The following LRRK2 variants were observed in gnomAD, a reference collection of about 807,000 sequenced individuals.
LRRK2 encodes leucine-rich repeat serine/threonine-protein kinase 2.
LRRK2 carries 203 observed loss-of-function variants against 302.6 expected under a neutral mutation model. The ratio of observed to expected loss-of-function variants is 0.67; its 90% CI spans 0.60 to 0.75. The LOEUF is 0.75. Ranked by LOEUF, LRRK2 falls within the 30% of genes least tolerant of loss-of-function variation. The pLI is 0.00. For synonymous variants in LRRK2, 1,066 were observed against 1,031.9 expected (o/e 1.03, Z -0.63); for missense variants, 2,830 against 2,951.0 (o/e 0.96, Z 0.95).
chr12:40,241,865 G>A (rs1215001268), intron 6 of LRRK2, among the ~76,000 whole-genome samples: 1 of 152,142 alleles, frequency 6.6e-6, no homozygotes, highest in African/African-American at 2.4e-5. Context: ...TTATCCACAG[G>A]AAATTAAACA....
At chr12:40,329,528 A>G (rs1945649806) in intron 39 of LRRK2, among the ~76,000 whole-genome samples, 1 of 152,174 alleles carries the variant, frequency 6.6e-6, no homozygotes, top group Non-Finnish European at 1.5e-5. Context: ...AAACCAATAA[A>G]TGCCATTTAT....
In LRRK2 at chr12:40,309,120, T is replaced by C. The variant is rs762266941; in HGVS notation, c.4204T>C (p.Tyr1402His). 4 of 1,613,758 alleles carry C rather than the reference T, an allele frequency of 2.5e-6. No individual in the cohort carries two copies. The South Asian group carries it at 4.4e-5, about 18-fold the overall frequency. ...TCTTTATTTAGGTCGTGAGGAATTCTATAGTACTCATCCCCATTTTATGAC... is the reference window on the plus strand; with the variant it reads ...TCTTTATTTAGGTCGTGAGGAATTCCATAGTACTCATCCCCATTTTATGAC... The part of the protein sequence containing the change: ...VWDFAGREEF[Y>H]STHPHFMTQR... The change falls in exon 30 of 51, where the codon TAT (tyrosine) becomes CAT (histidine). Residue 1402 changes from tyrosine to histidine, a missense_variant. This residue lies in a region of LRRK2 where 2,121 missense variants were observed against 2,148.0 expected (regional missense o/e 0.99). Coordinates refer to ENST00000298910, the MANE Select transcript of LRRK2 (RefSeq NM_198578.4).
At chr12:40,297,940 A>G (rs1360616733) in intron 23 of LRRK2, among the ~76,000 whole-genome samples, 2 of 152,060 alleles carry the variant, frequency 1.3e-5, no homozygotes, top group Non-Finnish European at 2.9e-5. Flanking sequence ...GTTGAGGCGT[A>G]TTCTGCTTCC....
intron 50 of LRRK2, 63 bp from the exon 51 acceptor site, chr12:40,367,581 A>C: frequency 6.5e-7 from 1 of 1,535,514 alleles, no homozygotes; most frequent in South Asian, 1.2e-5. Context: ...GCCAAACTGA[A>C]ATAAAATAAG....
At chr12:40,316,331 C>T (rs1489473875) in intron 33 of LRRK2, 2 of 984,994 alleles carry the variant, frequency 2.0e-6, no homozygotes, top group South Asian at 4.7e-5. Context: ...AAATCCTGTA[C>T]CATGGAACTC....
chr12:40,236,759 G>C (rs1941483909), intron 4 of LRRK2, among the ~76,000 whole-genome samples: 1 of 152,100 alleles, frequency 6.6e-6, no homozygotes, highest in African/African-American at 2.4e-5. Context: ...AAAACAAGAA[G>C]GTACTCAACA....
In LRRK2 at chr12:40,278,168, G is replaced by A. The variant is rs200459681; in HGVS notation, c.2148G>A (p.Ala716=). 6.6e-5 allele frequency: 107 copies of A among 1,613,974 alleles called. 2 individuals are homozygous for A. The highest frequency in any genetic ancestry group is 1.3e-4 in the African/African-American group (10 of 74,914). ...TAAAAAATGTGATGCTAGAGAGAGC[G>A]TGTGATCAGAATAACAGCATCATGG... The part of the protein sequence containing the change: ...DYLKNVMLER[A]CDQNNSIMVE... The change falls in exon 18 of 51, where the codon GCG becomes GCA. Residue 716 remains alanine, a synonymous_variant. Transcript: ENST00000298910.
intron 16 of LRRK2, among the ~76,000 whole-genome samples, chr12:40,276,617 T>C (rs1451000786): frequency 6.6e-6 from 1 of 152,108 alleles, no homozygotes; most frequent in African/African-American, 2.4e-5. Context: ...GTTTAAAAGT[T>C]TTTAATTCGA....
intron 23 of LRRK2, among the ~76,000 whole-genome samples, chr12:40,297,427 C>T (rs1019919181): frequency 6.6e-6 from 1 of 152,118 alleles, no homozygotes. Flanking sequence ...TTTATAGGAA[C>T]ATTTCCTGAT....
chr12:40,285,786 G>A (rs1943902995), intron 19 of LRRK2, among the ~76,000 whole-genome samples: 1 of 151,866 alleles, frequency 6.6e-6, no homozygotes, highest in South Asian at 2.1e-4. Flanking sequence ...TTAATGTCCT[G>A]ATAAAGATTA....
chr12:40,242,686 A>G lies in LRRK2; in HGVS notation c.707-864A>G, dbSNP rs926408578. Reference sequence around the variant, plus strand: ...CTTTCTTTTGGTTGGGGAAAAAAAAACAATGCAAAAGTCATTCTCCAATGG... The same window carrying G: ...CTTTCTTTTGGTTGGGGAAAAAAAAGCAATGCAAAAGTCATTCTCCAATGG... On this transcript the variant is annotated intron_variant, in intron 6 of 50. Coordinates refer to ENST00000298910, the MANE Select transcript of LRRK2 (RefSeq NM_198578.4). Among the ~76,000 whole-genome samples the G allele has an allele frequency of 1.9e-4, 29 of 151,544 alleles. 1 individual carries two copies. The highest frequency in any genetic ancestry group is 5.8e-4 in the African/African-American group (24 of 41,246).
intron 1 of LRRK2, 64 bp from the exon 2 acceptor site, chr12:40,225,491 A>G (rs1940823837): frequency 4.8e-6 from 7 of 1,450,522 alleles, no homozygotes; most frequent in African/African-American, 1.4e-5. Flanking sequence ...GTTTCAGACT[A>G]AAAAGGAGAG....
At position 40,283,996 on chromosome 12, in the gene LRRK2, G is replaced by A. The variant is rs760782817; in HGVS notation, c.2363G>A (p.Ser788Asn). The A allele has an allele frequency of 6.2e-7, 1 of 1,614,048 alleles. No individual in the cohort carries two copies. The highest frequency in any genetic ancestry group is 8.5e-7 in the Non-Finnish European group (1 of 1,179,932). The change falls in exon 19 of 51, where the codon AGC (serine) becomes AAC (asparagine). Residue 788 changes from serine (S) to asparagine (N), a missense_variant. By Grantham distance (46) the Ser-to-Asn change is conservative. Coordinates refer to ENST00000298910, the MANE Select transcript of LRRK2 (RefSeq NM_198578.4). ...SIGKGDSQII[S>N]LLLRRLALDV... is the part of the protein sequence containing the mutation. ...GGGAAAGGTGACAGCCAGATCATCA[G>A]CTTGCTCTTAAGGAGGCTGGCCCTG... is the stretch of plus-strand genomic sequence containing the variant.
Position 40,322,301 on chromosome 12 carries a change from C to A in LRRK2, c.5318-18C>A. The A allele has an allele frequency of 6.2e-7, 1 of 1,612,686 alleles. No homozygotes were observed. Among genetic ancestry groups the A allele is most frequent in the Non-Finnish European group, 8.5e-7 (1 of 1,179,340 alleles). ...TGAGGTTTAGACAAGGTGTTGAGCT[C>A]TGTTTTGAATCATGTAGGCTGTATT... On this transcript the variant is annotated intron_variant, in intron 36 of 50. Coordinates refer to ENST00000298910, the MANE Select transcript of LRRK2 (RefSeq NM_198578.4).
chr12:40,278,615 G>A (rs7315719), intron 18 of LRRK2, among the ~76,000 whole-genome samples: 1,822 of 152,074 alleles, frequency 0.012, 51 homozygotes, highest in African/African-American at 0.039. Flanking sequence ...TTTTTCCATG[G>A]TTTTAGTTTC....
chr12:40,276,294 A>G (rs1007055016), intron 16 of LRRK2, among the ~76,000 whole-genome samples: 1 of 152,058 alleles, frequency 6.6e-6, no homozygotes, highest in East Asian at 1.9e-4. Flanking sequence ...TGTCCAGTTC[A>G]GGGTTTTGCT....
rs370781723 is a variant in LRRK2 at position 40,356,191 on chromosome 12, A to C, written c.6843+4A>C. 1.9e-6 allele frequency: 3 copies of C among 1,600,226 alleles called. No individual in the cohort carries two copies. In the African/African-American group the frequency reaches 4.0e-5, roughly 21 times the overall value. ...TTTTGAAGATAAGACTGTTAAGGTA[A>C]ATGTTGAATGCATTCTACATCTAAA... On this transcript the variant is annotated splice_donor_region_variant and intron_variant, in intron 46 of 50. Transcript: ENST00000298910.
intron 40 of LRRK2, among the ~76,000 whole-genome samples, chr12:40,336,013 T>C (rs560257092): frequency 6.6e-6 from 1 of 152,342 alleles, no homozygotes; most frequent in Admixed American, 6.5e-5. Context: ...TCTCATTGCC[T>C]ACTGGTCCCC....
intron 2 of LRRK2, among the ~76,000 whole-genome samples, chr12:40,231,003 A>G (rs1001418131): frequency 6.6e-6 from 1 of 152,088 alleles, no homozygotes; most frequent in Admixed American, 6.6e-5. Flanking sequence ...GCCATTGAGG[A>G]GTTCTACCTC....
Sources: gnomAD v4.1 joint callset for allele counts (sites outside exome capture counted in the v4.1 genomes callset) on GRCh38, gnomAD v4.1.1 for gene constraint, gnomAD v4.1.1 regional missense constraint, MANE v1.5 for transcripts, NCBI Gene and HGNC (gene_info 2026-07-23, HGNC 2026-07-21) for gene names.